The following SPOCK3 variants were observed in gnomAD, a reference collection of about 807,000 sequenced individuals.
The protein encoded by SPOCK3 is SPARC (osteonectin), cwcv and kazal like domains proteoglycan 3.
A neutral mutation model predicts 56.6 loss-of-function variants in SPOCK3; 30 were observed. The observed-to-expected ratio is 0.53, with a 90% CI of 0.40 to 0.72. SPOCK3 has a LOEUF of 0.72. Ranked by LOEUF, SPOCK3 falls within the 30% of genes least tolerant of loss-of-function variation. SPOCK3 has a pLI of 0.00. For missense variants in SPOCK3, 527 were observed against 530.0 expected (o/e 0.99, Z 0.06); for synonymous variants, 196 against 183.3 (o/e 1.07, Z -0.56).
intron 5 of SPOCK3, 52 bp downstream of exon 5, chr4:166,912,568 C>T (rs1231999786): frequency 8.5e-6 from 13 of 1,524,316 alleles, no homozygotes; most frequent in East Asian, 4.5e-5. Context: ...TAATCATTTA[C>T]TAATAAGTAT....
chr4:166,938,802 G>T (rs1337454189), intron 4 of SPOCK3, among the ~76,000 whole-genome samples: 1 of 152,048 alleles, frequency 6.6e-6, no homozygotes, highest in Non-Finnish European at 1.5e-5. Flanking sequence ...ATCATATAGT[G>T]TGATACCACA....
At chr4:166,912,579 G>A in intron 5 of SPOCK3, 41 bp downstream of exon 5, 1 of 1,568,712 alleles carries the variant, frequency 6.4e-7, no homozygotes, top group Non-Finnish European at 8.8e-7. Context: ...TAATAAGTAT[G>A]CATCCCTTAT....
At chr4:166,993,677 G>T (rs554855521) in intron 4 of SPOCK3, among the ~76,000 whole-genome samples, 1 of 152,016 alleles carries the variant, frequency 6.6e-6, no homozygotes, top group Non-Finnish European at 1.5e-5. Flanking sequence ...CAACTACTTT[G>T]TCTATGGCAA....
chr4:166,981,582 A>T (rs1243855329), intron 4 of SPOCK3, among the ~76,000 whole-genome samples: 1 of 152,110 alleles, frequency 6.6e-6, no homozygotes, highest in Non-Finnish European at 1.5e-5. Flanking sequence ...GTGCATGCTG[A>T]TTGGTCCATG....
At chr4:167,208,649 A>G (rs1041314943) in intron 2 of SPOCK3, among the ~76,000 whole-genome samples, 2 of 151,972 alleles carry the variant, frequency 1.3e-5, no homozygotes, top group African/African-American at 4.8e-5. Flanking sequence ...CACATTTTTG[A>G]TAACATATTT....
rs79358006 is a variant in SPOCK3 at position 167,106,046 on chromosome 4, C to G, written c.190-43509G>C. 9.0e-3 allele frequency among the ~76,000 whole-genome samples: 1,364 copies of G among 151,914 alleles called. 10 individuals carry two copies. Among genetic ancestry groups the G allele is most frequent in the Non-Finnish European group, 0.014 (954 of 67,816 alleles). On this transcript the variant is annotated intron_variant, in intron 2 of 10. Coordinates refer to ENST00000357545, the MANE Select transcript of SPOCK3 (RefSeq NM_001040159.2). ...AATAATAGCTGGAGAGTTTAACACC[C>G]CACTTTCAGCACTGGACAGATCTCC...
At position 166,821,979 on chromosome 4, in the gene SPOCK3, A is replaced by G. The variant is rs79605460; in HGVS notation, c.590-29690T>C. Among the ~76,000 whole-genome samples, 353 of 152,250 alleles carry G rather than the reference A, an allele frequency of 2.3e-3. 6 individuals are homozygous for G. The East Asian group carries it at 0.039, about 17-fold the overall frequency. ...ACTATCAAATATGTGAAAAAAATATACAAATGATCGAGTAGGTATTTAAGT... is the reference window on the plus strand; with the variant it reads ...ACTATCAAATATGTGAAAAAAATATGCAAATGATCGAGTAGGTATTTAAGT... On this transcript the variant is annotated intron_variant, in intron 6 of 10. Transcript: ENST00000357545.
intron 7 of SPOCK3, among the ~76,000 whole-genome samples, chr4:166,765,539 G>A (rs1403625733): frequency 6.6e-6 from 1 of 152,104 alleles, no homozygotes; most frequent in Admixed American, 6.5e-5. Flanking sequence ...CTGTTCCATT[G>A]GTCTATATCT....
intron 2 of SPOCK3, among the ~76,000 whole-genome samples, chr4:167,139,942 C>T (rs1336081944): frequency 1.3e-5 from 2 of 151,900 alleles, no homozygotes; most frequent in Non-Finnish European, 2.9e-5. Flanking sequence ...TATACTTCCA[C>T]CAAGAAGTAG....
At chr4:166,765,922 C>T (rs1309972130) in intron 7 of SPOCK3, among the ~76,000 whole-genome samples, 2 of 152,044 alleles carry the variant, frequency 1.3e-5, no homozygotes, top group African/African-American at 4.8e-5. Context: ...AAGTTGGATT[C>T]CTAGGTATTT....
chr4:166,857,861 A>T (rs1730851111), intron 6 of SPOCK3, among the ~76,000 whole-genome samples: 1 of 152,172 alleles, frequency 6.6e-6, no homozygotes, highest in Admixed American at 6.6e-5. Flanking sequence ...AAAAGCAGTG[A>T]TCTATATTAT....
intron 2 of SPOCK3, among the ~76,000 whole-genome samples, chr4:167,104,603 A>G (rs551448069): frequency 6.6e-6 from 1 of 152,102 alleles, no homozygotes; most frequent in Admixed American, 6.6e-5. Context: ...AATAGACAAC[A>G]AAGGACAAAT....
intron 2 of SPOCK3, among the ~76,000 whole-genome samples, chr4:167,223,065 GAATA>G (rs1561341879): frequency 2.9e-5 from 3 of 104,016 alleles, no homozygotes; most frequent in East Asian, 5.1e-4. Flanking sequence ...TTTTATATAT[GAATA>G]TATATTTTAT....
chr4:166,972,552 C>G (rs538777228), intron 4 of SPOCK3, among the ~76,000 whole-genome samples: 42 of 151,126 alleles, frequency 2.8e-4, no homozygotes, highest in Non-Finnish European at 5.0e-4. Flanking sequence ...ATCGATAGCT[C>G]TTAAGATTAT....
chr4:167,168,271 G>C (rs988998991), intron 2 of SPOCK3, among the ~76,000 whole-genome samples: 3 of 152,096 alleles, frequency 2.0e-5, no homozygotes, highest in Non-Finnish European at 4.4e-5. Flanking sequence ...TTTGGAACTG[G>C]GTAACAGGCA....
intron 4 of SPOCK3, among the ~76,000 whole-genome samples, chr4:166,963,417 T>C (rs1744366510): frequency 6.6e-6 from 1 of 151,970 alleles, no homozygotes; most frequent in Non-Finnish European, 1.5e-5. Context: ...TATAAGAAGG[T>C]AACATTATTT....
At position 166,967,806 on chromosome 4, in the gene SPOCK3, G is replaced by A. The variant is rs1312144050; in HGVS notation, c.350+32543C>T. Among the ~76,000 whole-genome samples the A allele has an allele frequency of 2.0e-5, 3 of 152,166 alleles. No homozygotes were observed. The East Asian group carries it at 5.8e-4, about 29-fold the overall frequency. ...CTTTGGAACTGGGTAACAGGCAAAG[G>A]TTGGCACAATCTGAGGGGCTCAAAA... On this transcript the variant is annotated intron_variant, in intron 4 of 10. Coordinates refer to ENST00000357545, the MANE Select transcript of SPOCK3 (RefSeq NM_001040159.2).
chr4:166,967,147 A>G (rs1744826716), intron 4 of SPOCK3, among the ~76,000 whole-genome samples: 1 of 152,092 alleles, frequency 6.6e-6, no homozygotes, highest in African/African-American at 2.4e-5. Flanking sequence ...CTGATCTGCA[A>G]ATTTGGTCAC....
chr4:166,978,705 G>C (rs926272070), intron 4 of SPOCK3, among the ~76,000 whole-genome samples: 1 of 152,048 alleles, frequency 6.6e-6, no homozygotes, highest in African/African-American at 2.4e-5. Flanking sequence ...AGGGGGAGAA[G>C]GAGAAGAAGG....
Sources: allele counts gnomAD v4.1 joint callset (sites outside exome capture counted in the v4.1 genomes callset), GRCh38; gene constraint gnomAD v4.1.1; transcripts MANE v1.5; gene names NCBI Gene and HGNC (gene_info 2026-07-23, HGNC 2026-07-21).